Variants in EEA1 observed in about 807,000 individuals in gnomAD.
EEA1 encodes the protein early endosome antigen 1, 162kD.
In EEA1, 111 loss-of-function variants were observed where a neutral mutation model predicts 209.2. That is an observed-to-expected ratio of 0.53 (90% confidence interval 0.45 to 0.62). EEA1 has a LOEUF of 0.62. EEA1 is among the 20% of genes least tolerant of loss of function. EEA1 has a pLI of 0.00. For synonymous variants in EEA1, 536 were observed against 540.6 expected (o/e 0.99, Z 0.12); for missense variants, 1,343 against 1,530.8 (o/e 0.88, Z 2.05).
intron 2 of EEA1, among the ~76,000 whole-genome samples, chr12:92,877,360 G>A (rs1366159529): frequency 1.3e-5 from 2 of 151,914 alleles, no homozygotes; most frequent in East Asian, 3.8e-4. Context: ...AGAGAGAGGA[G>A]ATAGGAGGTG....
intron 21 of EEA1, among the ~76,000 whole-genome samples, chr12:92,789,959 T>C (rs1335419995): frequency 6.6e-6 from 1 of 152,216 alleles, no homozygotes; most frequent in Non-Finnish European, 1.5e-5. Flanking sequence ...TGTTCTGCAA[T>C]ATTCACTGTT....
At chr12:92,803,299 AT>A (rs1875029196) in intron 18 of EEA1, among the ~76,000 whole-genome samples, 1 of 152,128 alleles carries the variant, frequency 6.6e-6, no homozygotes, top group Non-Finnish European at 1.5e-5. Flanking sequence ...CTAGCAGATT[AT>A]ACAAAGGATT....
chr12:92,881,168 C>A (rs1279809033), intron 2 of EEA1, among the ~76,000 whole-genome samples: 2 of 152,090 alleles, frequency 1.3e-5, no homozygotes, highest in East Asian at 1.9e-4. Context: ...CTTTGGGAAG[C>A]CGAGGCGGGT....
At chr12:92,804,884 C>A (rs1334261717) in intron 18 of EEA1, among the ~76,000 whole-genome samples, 1 of 152,042 alleles carries the variant, frequency 6.6e-6, no homozygotes, top group Non-Finnish European at 1.5e-5. Flanking sequence ...GGACCCCAGC[C>A]CTCCTTGCCT....
At chr12:92,828,345 A>C (rs1486630779) in intron 11 of EEA1, among the ~76,000 whole-genome samples, 2 of 152,108 alleles carry the variant, frequency 1.3e-5, no homozygotes, top group African/African-American at 4.8e-5. Flanking sequence ...TTTGGATATA[A>C]GTGTTGGAAC....
chr12:92,862,994 C>A (rs1878218920), intron 3 of EEA1, among the ~76,000 whole-genome samples: 1 of 152,110 alleles, frequency 6.6e-6, no homozygotes, highest in Admixed American at 6.5e-5. Context: ...ACCTAATAGG[C>A]AAGTTGGGAG....
intron 20 of EEA1, 32 bp from the exon 21 acceptor site, chr12:92,799,118 A>G (rs1445088405): frequency 6.6e-7 from 1 of 1,513,880 alleles, no homozygotes; most frequent in Admixed American, 2.4e-5. Context: ...TTTAGCCTTC[A>G]TTTGTTCATT....
chr12:92,848,722 C>CTTTTT (rs71069184), intron 9 of EEA1, among the ~76,000 whole-genome samples: 1 of 64,548 alleles, frequency 1.5e-5, no homozygotes, highest in Admixed American at 2.6e-4. Flanking sequence ...ATATTCTCAC[C>CTTTTT]TTTTTTTTTT....
In EEA1 at chr12:92,802,405, A is replaced by G. The variant is rs976587732; in HGVS notation, c.2669T>C (p.Leu890Ser). Reference protein sequence around the residue: ...NQKGKAAILDLEKTCKELKHQ... With the variant: ...NQKGKAAILDSEKTCKELKHQ... ...AGAAAGTAAATGTAAACTACTAACC[A>G]AGTCTAATATAGCGGCTTTTCCTTT... Residue 890 changes from leucine (L) to serine (S), a missense_variant and splice_region_variant, in exon 19 of 29, where the codon TTG (leucine) becomes TCG (serine). Physicochemically the swap from Leu to Ser is moderately radical, Grantham distance 145. Around this residue, in one of 3 missense-constraint regions of EEA1, gnomAD observed 1,307 missense variants for 1,465.5 expected, o/e 0.89. Coordinates refer to ENST00000322349, the MANE Select transcript of EEA1 (RefSeq NM_003566.4). 1.0e-5 allele frequency: 16 copies of G among 1,562,626 alleles called. No individual in the cohort carries two copies. The Admixed American group carries it at 3.7e-4, about 36-fold the overall frequency.
At chr12:92,821,570 C>G (rs1489439626) in intron 13 of EEA1, among the ~76,000 whole-genome samples, 1 of 152,124 alleles carries the variant, frequency 6.6e-6, no homozygotes, top group Non-Finnish European at 1.5e-5. Context: ...CTACAAATTT[C>G]TGGTTCCGGT....
At chr12:92,862,583 C>T (rs1199178613) in intron 3 of EEA1, among the ~76,000 whole-genome samples, 2 of 150,948 alleles carry the variant, frequency 1.3e-5, no homozygotes, top group Non-Finnish European at 3.0e-5. Context: ...AAGATCCTAT[C>T]TCTAAAAAAA....
intron 12 of EEA1, among the ~76,000 whole-genome samples, chr12:92,827,659 G>T (rs1876381262): frequency 6.6e-6 from 1 of 152,132 alleles, no homozygotes; most frequent in African/African-American, 2.4e-5. Context: ...CAGCCTGATG[G>T]GTTCACCCCC....
At chr12:92,921,433 G>A (rs1411855724) in intron 1 of EEA1, among the ~76,000 whole-genome samples, 1 of 93,422 alleles carries the variant, frequency 1.1e-5, no homozygotes, top group Non-Finnish European at 2.2e-5. Flanking sequence ...AAAATGATGA[G>A]TTCATATCCT....
intron 11 of EEA1, among the ~76,000 whole-genome samples, chr12:92,830,204 G>C (rs1409181829): frequency 3.9e-5 from 6 of 152,032 alleles, no homozygotes; most frequent in African/African-American, 1.2e-4. Context: ...AGGGATACAT[G>C]TGCAGGTTTG....
chr12:92,846,840 G>GC (rs1264519152), intron 9 of EEA1, among the ~76,000 whole-genome samples: 1 of 152,124 alleles, frequency 6.6e-6, no homozygotes, highest in African/African-American at 2.4e-5. Context: ...TGTATCTTCA[G>GC]CCCCAACTAG....
chr12:92,891,031 A>G (rs1299514536), intron 2 of EEA1, among the ~76,000 whole-genome samples: 1 of 152,164 alleles, frequency 6.6e-6, no homozygotes, highest in Non-Finnish European at 1.5e-5. Flanking sequence ...ATTATGGGTG[A>G]GTGTTATGTT....
intron 24 of EEA1, 65 bp from the exon 25 acceptor site, chr12:92,779,365 A>C (rs1873799364): frequency 1.4e-6 from 2 of 1,394,886 alleles, no homozygotes; most frequent in African/African-American, 3.0e-5. Context: ...ATTTGGCTAA[A>C]ATTTATGCAA....
At chr12:92,909,032 T>C (rs1483283078) in intron 1 of EEA1, among the ~76,000 whole-genome samples, 1 of 152,180 alleles carries the variant, frequency 6.6e-6, no homozygotes, top group African/African-American at 2.4e-5. Context: ...AGGATGGTCT[T>C]GAACTCCTGA....
At chr12:92,859,116 G>A (rs575417421) in intron 3 of EEA1, 233 of 1,070,778 alleles carry the variant, frequency 2.2e-4, no homozygotes, top group Non-Finnish European at 2.8e-4. Context: ...AGAGTGAGAG[G>A]GAGCTACTAG....
Sources: gnomAD v4.1 joint callset for allele counts (sites outside exome capture counted in the v4.1 genomes callset) on GRCh38, gnomAD v4.1.1 for gene constraint, gnomAD v4.1.1 regional missense constraint, MANE v1.5 for transcripts, NCBI Gene and HGNC (gene_info 2026-07-23, HGNC 2026-07-21) for gene names.